The following SLC25A48 variants were observed in gnomAD, a reference collection of about 807,000 sequenced individuals.
SLC25A48 encodes the protein CTC-321K16.1.
In SLC25A48, 29 loss-of-function variants were observed where a neutral mutation model predicts 32.2. The observed-to-expected ratio is 0.90, with a 90% CI of 0.67 to 1.23. The LOEUF is 1.23. SLC25A48 is among the 50% of genes most tolerant of loss of function. SLC25A48 has a pLI of 0.00. For missense variants in SLC25A48, 399 were observed against 422.7 expected, an observed-to-expected ratio of 0.94 and a Z score of 0.49; for synonymous variants, 164 against 172.3, an observed-to-expected ratio of 0.95 and a Z score of 0.38.
rs78294083 is a variant in SLC25A48 at position 135,867,942 on chromosome 5, G to C, written c.422-3519G>C. 4.6e-4 allele frequency among the ~76,000 whole-genome samples: 70 copies of C among 152,254 alleles called. 1 individual carries two copies. The East Asian group carries it at 0.01, about 23-fold the overall frequency. ...TGACACCTCATGATATCACAGAGTT[G>C]TTTTACCTTGAAAATCAGGAGAGGA... On this transcript the variant is annotated intron_variant, in intron 4 of 7. Transcript: ENST00000681962.
intron 3 of SLC25A48, among the ~76,000 whole-genome samples, chr5:135,851,831 G>A (rs7721974): frequency 2.6e-5 from 4 of 151,948 alleles, no homozygotes; most frequent in African/African-American, 7.3e-5. Flanking sequence ...CAAGAATGCC[G>A]TGTGGAAGGG....
intron 3 of SLC25A48, among the ~76,000 whole-genome samples, chr5:135,672,980 C>T (rs530492126): frequency 1.3e-5 from 2 of 152,122 alleles, no homozygotes; most frequent in Non-Finnish European, 2.9e-5. Context: ...TGAGATCATA[C>T]AGTATATATA....
chr5:135,666,616 A>G (rs1021073854), intron 3 of SLC25A48, among the ~76,000 whole-genome samples: 2 of 152,002 alleles, frequency 1.3e-5, no homozygotes, highest in East Asian at 3.9e-4. Context: ...GAAGATTTGG[A>G]AAAGCTTTGA....
intron 3 of SLC25A48, among the ~76,000 whole-genome samples, chr5:135,778,650 AGGGTGACATT>A (rs925158841): frequency 6.7e-6 from 1 of 149,632 alleles, no homozygotes; most frequent in Non-Finnish European, 1.5e-5. Flanking sequence ...AGTGTGAGAG[AGGGTGACATT>A]GCTCCCAGTA....
At chr5:135,800,549 T>C (rs557968691) in intron 3 of SLC25A48, among the ~76,000 whole-genome samples, 1 of 151,838 alleles carries the variant, frequency 6.6e-6, no homozygotes, top group South Asian at 2.1e-4. Context: ...ATAATTCCTA[T>C]ATCCAGAGGA....
At chr5:135,803,177 T>C (rs1757375458) in intron 3 of SLC25A48, 1 of 151,484 alleles carries the variant, frequency 6.6e-6, no homozygotes, top group Admixed American at 6.6e-5. Flanking sequence ...TAGGGAGATA[T>C]TACGTGTAAT....
intron 1 of SLC25A48, chr5:135,601,048 A>G (rs1751786254): frequency 6.6e-6 from 1 of 152,112 alleles, no homozygotes; most frequent in South Asian, 2.1e-4. Flanking sequence ...ATCCTTCCCC[A>G]GCTTCACAGA....
chr5:135,761,390 T>C (rs986473325), intron 3 of SLC25A48, among the ~76,000 whole-genome samples: 1 of 152,094 alleles, frequency 6.6e-6, no homozygotes, highest in Non-Finnish European at 1.5e-5. Context: ...ACATGGCACA[T>C]GTATACATAT....
chr5:135,666,220 A>G (rs1753522434), intron 3 of SLC25A48, among the ~76,000 whole-genome samples: 2 of 152,204 alleles, frequency 1.3e-5, no homozygotes, highest in Non-Finnish European at 2.9e-5. Flanking sequence ...CCCATCCACA[A>G]AGTGGGGGAA....
chr5:135,778,517 A>G (rs371399451), intron 3 of SLC25A48, among the ~76,000 whole-genome samples: 83 of 151,674 alleles, frequency 5.5e-4, no homozygotes, highest in Non-Finnish European at 8.7e-4. Context: ...ATTACTCCCA[A>G]TGTCGCAGAG....
intron 3 of SLC25A48, among the ~76,000 whole-genome samples, chr5:135,659,267 C>T (rs941385664): frequency 1.3e-5 from 2 of 152,094 alleles, no homozygotes; most frequent in Non-Finnish European, 2.9e-5. Flanking sequence ...TACCATAAAT[C>T]ATCTCTCAAA....
chr5:135,777,532 C>T (rs372341479), intron 3 of SLC25A48, among the ~76,000 whole-genome samples: 2 of 151,526 alleles, frequency 1.3e-5, no homozygotes, highest in Non-Finnish European at 2.9e-5. Context: ...AAGGTATACA[C>T]ACTCCCTGTG....
rs372624220 is a variant in SLC25A48, at chr5:135,792,496, A to T, written c.-520-20027A>T. Reference sequence around the variant, plus strand: ...ATATCTTAGGGGGTTGTTAATCTTAATGTAACCCTCTGGTTACATGTAATG... The same window carrying T: ...ATATCTTAGGGGGTTGTTAATCTTATTGTAACCCTCTGGTTACATGTAATG... On this transcript the variant is annotated intron_variant, in intron 3 of 10. Coordinates refer to the SLC25A48 transcript ENST00000646290. Among the ~76,000 whole-genome samples, 9 of 149,312 alleles carry T rather than the reference A, an allele frequency of 6.0e-5. No individual in the cohort carries two copies. The South Asian group carries it at 1.2e-3, about 21-fold the overall frequency.
At chr5:135,850,032 G>A (rs2126729353) in intron 2 of SLC25A48, among the ~76,000 whole-genome samples, 1 of 152,304 alleles carries the variant, frequency 6.6e-6, no homozygotes, top group South Asian at 2.1e-4. Flanking sequence ...TGAGGATGAG[G>A]GGTGAGGCCT....
At chr5:135,603,300 C>G (rs1751844765) in intron 1 of SLC25A48, among the ~76,000 whole-genome samples, 1 of 152,262 alleles carries the variant, frequency 6.6e-6, no homozygotes, top group Admixed American at 6.5e-5. Flanking sequence ...AACCCTGCAC[C>G]TGCACCCTGC....
Position 135,880,050 on chromosome 5 carries a change from T to C in SLC25A48, c.896T>C (p.Leu299Pro). 6.5e-7 allele frequency: 1 copy of C among 1,536,174 alleles called. No homozygotes were observed. Among genetic ancestry groups the C allele is most frequent in the Non-Finnish European group, 8.7e-7 (1 of 1,146,908 alleles). ...ATGTTCCTTGGGTACGAGCTGTCGC[T>C]GCAGGCTATCCGCGGGGACCACGCA... ...AAMFLGYELS[L>P]QAIRGDHAVT... The change falls in exon 7 of 8, where the codon CTG (leucine) becomes CCG (proline). Residue 299 changes from leucine to proline, a missense_variant. Coordinates refer to ENST00000681962, the MANE Select transcript of SLC25A48 (RefSeq NM_001349336.2).
At chr5:135,646,887 G>C (rs1752977051) in intron 3 of SLC25A48, among the ~76,000 whole-genome samples, 1 of 151,332 alleles carries the variant, frequency 6.6e-6, no homozygotes, top group Admixed American at 6.6e-5. Context: ...ATAGGTTCTA[G>C]AGATCATGGT....
chr5:135,756,374 A>C (rs1755905178), intron 3 of SLC25A48, among the ~76,000 whole-genome samples: 1 of 152,096 alleles, frequency 6.6e-6, no homozygotes, highest in Non-Finnish European at 1.5e-5. Flanking sequence ...ATACCTAGTG[A>C]TAACACACTA....
In SLC25A48 at chr5:135,701,122, T is replaced by C. The variant is rs188343494; in HGVS notation, c.-521+66166T>C. ...CCAGTTCCAGTAGTAATGGGCCGAGTAGCACCCATCTTCCTCAGAGTGTGG... is the reference window on the plus strand; with the variant it reads ...CCAGTTCCAGTAGTAATGGGCCGAGCAGCACCCATCTTCCTCAGAGTGTGG... On this transcript the variant is annotated intron_variant, in intron 3 of 10. Transcript: ENST00000646290. Among the ~76,000 whole-genome samples, 274 of 152,170 alleles carry C rather than the reference T, an allele frequency of 1.8e-3. 1 individual carries two copies. Among genetic ancestry groups the C allele is most frequent in the African/African-American group, 6.4e-3 (267 of 41,512 alleles).
Sources: gnomAD v4.1 joint callset for allele counts (sites outside exome capture counted in the v4.1 genomes callset) on GRCh38, gnomAD v4.1.1 for gene constraint, MANE v1.5 for transcripts, NCBI Gene and HGNC (gene_info 2026-07-23, HGNC 2026-07-21) for gene names.